Variants in SLC9A9 observed in about 807,000 individuals in gnomAD.
The protein encoded by SLC9A9 is solute carrier family 9 member A9, also known as sodium/hydrogen exchanger 9.
SLC9A9 carries 62 observed loss-of-function variants against 77.8 expected under a neutral mutation model. That is an observed-to-expected ratio of 0.80 (90% confidence interval 0.65 to 0.98). SLC9A9 has a LOEUF of 0.98. Among genes scored for constraint, SLC9A9 ranks in the 50% least tolerant of loss-of-function variants. SLC9A9 has a pLI of 0.00. For synonymous variants in SLC9A9, 320 were observed against 283.5 expected (o/e 1.13, Z -1.29); for missense variants, 775 against 774.9 (o/e 1.00, Z 0.00).
At chr3:143,408,157 C>T (rs2034020357) in intron 12 of SLC9A9, among the ~76,000 whole-genome samples, 1 of 152,140 alleles carries the variant, frequency 6.6e-6, no homozygotes. Context: ...ATCTAATTAC[C>T]TGTTTATAAG....
intron 2 of SLC9A9, among the ~76,000 whole-genome samples, chr3:143,803,841 C>T (rs1410955203): frequency 6.6e-6 from 1 of 152,106 alleles, no homozygotes; most frequent in Non-Finnish European, 1.5e-5. Flanking sequence ...TCCTGTCTCC[C>T]TAAACCTGAA....
At chr3:143,792,139 A>G (rs1050219996) in intron 4 of SLC9A9, among the ~76,000 whole-genome samples, 6 of 152,198 alleles carry the variant, frequency 3.9e-5, no homozygotes, top group South Asian at 2.1e-4. Flanking sequence ...TTTGAAGATT[A>G]GATGGATAAT....
intron 4 of SLC9A9, among the ~76,000 whole-genome samples, chr3:143,695,646 T>C (rs1183403394): frequency 1.3e-5 from 2 of 152,176 alleles, no homozygotes; most frequent in Non-Finnish European, 1.5e-5. Flanking sequence ...AATAAACATA[T>C]GTATGCATGT....
chr3:143,789,122 C>T (rs2008143726), intron 4 of SLC9A9, among the ~76,000 whole-genome samples: 1 of 152,114 alleles, frequency 6.6e-6, no homozygotes, highest in Non-Finnish European at 1.5e-5. Flanking sequence ...AAGACGGCCA[C>T]CAAGTCTGGG....
At chr3:143,506,988 C>G (rs1172707642) in intron 9 of SLC9A9, among the ~76,000 whole-genome samples, 1 of 151,952 alleles carries the variant, frequency 6.6e-6, no homozygotes, top group East Asian at 1.9e-4. Context: ...CACACATTAT[C>G]ACATTTTTCA....
intron 6 of SLC9A9, among the ~76,000 whole-genome samples, chr3:143,609,555 G>A (rs1237782762): frequency 6.6e-6 from 1 of 152,074 alleles, no homozygotes; most frequent in Non-Finnish European, 1.5e-5. Context: ...AGAACTGAGA[G>A]AGTATAAAGT....
At chr3:143,280,893 C>T (rs146998206) in intron 14 of SLC9A9, among the ~76,000 whole-genome samples, 1 of 152,296 alleles carries the variant, frequency 6.6e-6, no homozygotes, top group Non-Finnish European at 1.5e-5. Context: ...CATGCCTCAA[C>T]ATTTTCTCAA....
intron 12 of SLC9A9, among the ~76,000 whole-genome samples, chr3:143,440,212 T>C (rs2034703952): frequency 6.6e-6 from 1 of 152,232 alleles, no homozygotes; most frequent in Non-Finnish European, 1.5e-5. Flanking sequence ...CTAGGGATTT[T>C]ACAAGTGCTG....
At chr3:143,553,315 A>G (rs1323612355) in intron 8 of SLC9A9, among the ~76,000 whole-genome samples, 1 of 151,992 alleles carries the variant, frequency 6.6e-6, no homozygotes, top group Non-Finnish European at 1.5e-5. Flanking sequence ...TGGAGTGGGG[A>G]AGCAGTGGGA....
intron 14 of SLC9A9, among the ~76,000 whole-genome samples, chr3:143,307,580 G>A (rs968439699): frequency 5.3e-5 from 8 of 152,220 alleles, no homozygotes; most frequent in Non-Finnish European, 1.2e-4. Flanking sequence ...GCTTTCTGCT[G>A]TTGTCTGTCT....
chr3:143,348,974 G>A (rs1246677276), intron 14 of SLC9A9, among the ~76,000 whole-genome samples: 3 of 152,194 alleles, frequency 2.0e-5, no homozygotes, highest in African/African-American at 7.2e-5. Flanking sequence ...GCTGCTTTGT[G>A]ACTGCTGGGG....
chr3:143,344,446 TAA>T (rs993914350), intron 14 of SLC9A9: 4 of 152,184 alleles, frequency 2.6e-5, no homozygotes, highest in Non-Finnish European at 4.4e-5. Flanking sequence ...TCTAATATAT[TAA>T]GAGACACCTC....
At chr3:143,382,494 T>A (rs191215611) in intron 12 of SLC9A9, among the ~76,000 whole-genome samples, 207 of 152,266 alleles carry the variant, frequency 1.4e-3, no homozygotes, top group African/African-American at 4.7e-3. Flanking sequence ...GCCCTGGGAA[T>A]TTGTGTGCCC....
rs750185998 is a variant in SLC9A9 at position 143,574,107 on chromosome 3, G to A, written c.981C>T (p.Ala327=). 1.5e-5 allele frequency: 24 copies of A among 1,613,140 alleles called. No individual in the cohort carries two copies. Among genetic ancestry groups the A allele is most frequent in the East Asian group, 2.2e-5 (1 of 44,844 alleles). ...ACTGACCTGTTAGGCCGGCAGCCTC[G>A]GCAGACAGGAAGGCACTCCAAGAAA... ...FLLSWSAFLS[A]EAAGLTGIVA... Residue 327 remains alanine (A), a synonymous_variant, in exon 8 of 16, where the codon GCC becomes GCT. Transcript: ENST00000316549.
At chr3:143,770,131 T>C (rs764324308) in intron 4 of SLC9A9, among the ~76,000 whole-genome samples, 3 of 152,158 alleles carry the variant, frequency 2.0e-5, no homozygotes, top group Non-Finnish European at 4.4e-5. Flanking sequence ...ATCTAGAATG[T>C]AATGCAATCC....
At chr3:143,502,713 C>T (rs1291217331) in intron 9 of SLC9A9, among the ~76,000 whole-genome samples, 1 of 152,112 alleles carries the variant, frequency 6.6e-6, no homozygotes, top group African/African-American at 2.4e-5. Flanking sequence ...CTTTCATCTA[C>T]TTGTCTATGA....
intron 11 of SLC9A9, among the ~76,000 whole-genome samples, chr3:143,477,269 G>A (rs1253465553): frequency 6.6e-6 from 1 of 151,378 alleles, no homozygotes; most frequent in Non-Finnish European, 1.5e-5. Context: ...TTCACCAGCT[G>A]CAAATCATGA....
intron 4 of SLC9A9, among the ~76,000 whole-genome samples, chr3:143,706,111 C>T (rs1276069986): frequency 6.6e-6 from 1 of 152,142 alleles, no homozygotes; most frequent in Non-Finnish European, 1.5e-5. Context: ...TTGGGATGGC[C>T]CATATTCTGA....
At chr3:143,563,559 A>G (rs764098935) in intron 8 of SLC9A9, among the ~76,000 whole-genome samples, 124 of 152,258 alleles carry the variant, frequency 8.1e-4, no homozygotes, top group Middle Eastern at 6.8e-3. Flanking sequence ...TAAATTGAGG[A>G]AGGTAGTCTG....
Sources: gnomAD v4.1 joint callset for allele counts (sites outside exome capture counted in the v4.1 genomes callset) on GRCh38, gnomAD v4.1.1 for gene constraint, MANE v1.5 for transcripts, NCBI Gene and HGNC (gene_info 2026-07-23, HGNC 2026-07-21) for gene names.